The following EYA3 variants were observed in gnomAD, a reference collection of about 807,000 sequenced individuals.
EYA3 encodes the protein protein phosphatase EYA3.
EYA3 carries 39 observed loss-of-function variants against 80.0 expected under a neutral mutation model. The ratio of observed to expected loss-of-function variants is 0.49; its 90% confidence interval spans 0.38 to 0.64. The LOEUF (loss-of-function observed/expected upper bound fraction) is 0.64. Among genes scored for constraint, EYA3 ranks in the 30% least tolerant of loss-of-function variants. The probability of loss-of-function intolerance (pLI) is 0.00; values close to 1 mark genes in which losing one functional copy is unlikely to be tolerated. For synonymous variants in EYA3, 206 were observed against 232.8 expected (o/e 0.88, Z 1.05); for missense variants, 523 against 676.1 (o/e 0.77, Z 2.51).
chr1:27,999,693 C>A (rs1640695568), intron 12 of EYA3, among the ~76,000 whole-genome samples: 1 of 152,164 alleles, frequency 6.6e-6, no homozygotes, highest in East Asian at 1.9e-4. Flanking sequence ...GATGGGTTGG[C>A]CTTTCCCCTA....
chr1:28,062,976 T>C (rs1571928869), intron 1 of EYA3, among the ~76,000 whole-genome samples: 1 of 139,976 alleles, frequency 7.1e-6, no homozygotes, highest in Admixed American at 7.8e-5. Flanking sequence ...CACTCCAGGC[T>C]GGGCGACAGG....
chr1:28,079,518 T>A (rs75505253), intron 1 of EYA3, among the ~76,000 whole-genome samples: 1 of 152,282 alleles, frequency 6.6e-6, no homozygotes, highest in East Asian at 1.9e-4. Context: ...GAAAACCAAC[T>A]GAAAGGACCT....
At chr1:28,003,673 G>C (rs962474796) in intron 11 of EYA3, among the ~76,000 whole-genome samples, 1 of 152,152 alleles carries the variant, frequency 6.6e-6, no homozygotes, top group East Asian at 1.9e-4. Context: ...TTCCTGAGTA[G>C]TTGAGACTAC....
chr1:28,035,820 A>T, intron 5 of EYA3, 140 bp from the exon 6 acceptor site: 2 of 779,698 alleles, frequency 2.6e-6, no homozygotes, highest in Non-Finnish European at 4.0e-6. Flanking sequence ...CTTTTCAAAA[A>T]TTTTTTATTT....
At chr1:27,978,576 T>A in intron 16 of EYA3, 102 bp from the exon 17 acceptor site, 1 of 875,786 alleles carries the variant, frequency 1.1e-6, no homozygotes, top group Non-Finnish European at 1.9e-6. Flanking sequence ...TTAGGTGGAC[T>A]AAGTGACAGC....
intron 1 of EYA3, among the ~76,000 whole-genome samples, chr1:28,086,408 C>T (rs1003270953): frequency 6.6e-6 from 1 of 152,080 alleles, no homozygotes; most frequent in Non-Finnish European, 1.5e-5. Context: ...AGGTTGGTCT[C>T]GAACTCCTGG....
At chr1:28,022,555 T>C (rs1484882941) in intron 7 of EYA3, among the ~76,000 whole-genome samples, 3 of 152,228 alleles carry the variant, frequency 2.0e-5, no homozygotes, top group African/African-American at 7.2e-5. Context: ...TAAGAATTCA[T>C]GTTTAACTCA....
At position 28,084,595 on chromosome 1, in the gene EYA3, A is replaced by ATTTTT. The variant is rs869103612; in HGVS notation, c.-69+3924_-69+3928dup. 4.6e-4 allele frequency among the ~76,000 whole-genome samples: 7 copies of ATTTTT among 15,230 alleles called. 1 individual carries two copies. The highest frequency in any genetic ancestry group is 7.4e-4 in the Non-Finnish European group (7 of 9,426). 10.0% of individuals were successfully genotyped at this position (15,230 alleles called of 152,430 possible). On this transcript the variant is annotated intron_variant, in intron 1 of 17. Transcript: ENST00000373871. ...TATATATATATATATATATATATATATTTTTTTTTTTTTTTTTTTTTTTTT... is the reference window on the plus strand; with the variant it reads ...TATATATATATATATATATATATATATTTTTTTTTTTTTTTTTTTTTTTTTTTTTT...
At chr1:27,978,531 A>C (rs1639096329) in intron 16 of EYA3, 57 bp from the exon 17 acceptor site, 2 of 1,431,282 alleles carry the variant, frequency 1.4e-6, no homozygotes, top group Non-Finnish European at 2.0e-6. Flanking sequence ...TCAAAACCAA[A>C]GAAGAGGGCT....
At chr1:27,988,970 T>C (rs542732863) in intron 15 of EYA3, among the ~76,000 whole-genome samples, 2 of 152,332 alleles carry the variant, frequency 1.3e-5, no homozygotes, top group East Asian at 1.9e-4. Flanking sequence ...ATGTCACTGA[T>C]AGCATATTTT....
At chr1:28,000,486 G>GT (rs574930834) in intron 11 of EYA3, among the ~76,000 whole-genome samples, 118 of 151,998 alleles carry the variant, frequency 7.8e-4, no homozygotes, top group South Asian at 3.9e-3. Context: ...CTAATTTTTT[G>GT]TATTTTTAGT....
chr1:28,080,175 T>C (rs1030749574), intron 1 of EYA3, among the ~76,000 whole-genome samples: 2 of 152,162 alleles, frequency 1.3e-5, no homozygotes, highest in Non-Finnish European at 1.5e-5. Flanking sequence ...CCAGGCACAG[T>C]GGCTCACACC....
chr1:28,019,876 T>A (rs1296234782), intron 7 of EYA3, among the ~76,000 whole-genome samples: 1 of 144,468 alleles, frequency 6.9e-6, no homozygotes, highest in East Asian at 1.9e-4. Context: ...AATGCTGCAT[T>A]TTTTTTAGTA....
chr1:28,026,639 A>C (rs1642804177), intron 7 of EYA3, among the ~76,000 whole-genome samples: 1 of 152,076 alleles, frequency 6.6e-6, no homozygotes, highest in Non-Finnish European at 1.5e-5. Context: ...AAAACCATAG[A>C]GAAATACTCT....
At chr1:28,027,501 T>C (rs1642856690) in intron 7 of EYA3, among the ~76,000 whole-genome samples, 1 of 152,008 alleles carries the variant, frequency 6.6e-6, no homozygotes. Context: ...CCACTGAAAA[T>C]AGACTAGAAC....
At chr1:28,083,430 G>A (rs1181192706) in intron 1 of EYA3, among the ~76,000 whole-genome samples, 1 of 152,064 alleles carries the variant, frequency 6.6e-6, no homozygotes, top group Non-Finnish European at 1.5e-5. Context: ...TGAGGCAGGA[G>A]AATCACTTGA....
intron 2 of EYA3, among the ~76,000 whole-genome samples, chr1:28,053,846 TA>T (rs1644354945): frequency 1.3e-5 from 2 of 152,210 alleles, no homozygotes; most frequent in Admixed American, 1.3e-4. Flanking sequence ...ACTCTCTAGT[TA>T]AGAAAATTGT....
At position 28,009,134 on chromosome 1, in the gene EYA3, C is replaced by T. The variant is rs372853670; in HGVS notation, c.909+1813G>A. ...ATTACAATAGCATCCAGCAATTCCA[C>T]TCCTACATATATACCAAAAAGAATT... On this transcript the variant is annotated intron_variant, in intron 10 of 17. Coordinates refer to ENST00000373871, the MANE Select transcript of EYA3 (RefSeq NM_001990.4). The surrounding 1 kb of genome is among the most constrained non-coding windows in gnomAD (Gnocchi z 4.8). Among the ~76,000 whole-genome samples, 11 of 152,242 alleles carry T rather than the reference C, an allele frequency of 7.2e-5. No homozygotes were observed. In the South Asian group the frequency reaches 2.1e-3, roughly 29 times the overall value.
intron 1 of EYA3, among the ~76,000 whole-genome samples, chr1:28,068,682 T>G (rs1644918055): frequency 6.6e-6 from 1 of 152,198 alleles, no homozygotes; most frequent in Non-Finnish European, 1.5e-5. Context: ...TGCTACGTAT[T>G]AACTCCCTGT....
Sources: gnomAD v4.1 joint callset for allele counts (sites outside exome capture counted in the v4.1 genomes callset) on GRCh38, gnomAD v4.1.1 for gene constraint, Gnocchi (gnomAD v3.1) non-coding constraint, MANE v1.5 for transcripts, NCBI Gene and HGNC (gene_info 2026-07-23, HGNC 2026-07-21) for gene names.